The following BNC2 variants were observed in gnomAD, a reference collection of about 807,000 sequenced individuals.
BNC2 encodes basonuclin zinc finger protein 2.
In BNC2, 20 loss-of-function variants were observed where a neutral mutation model predicts 76.3. The observed-to-expected ratio is 0.26, with a 90% CI of 0.18 to 0.38. The LOEUF (loss-of-function observed/expected upper bound fraction) is 0.38. Ranked by LOEUF, BNC2 falls within the 10% of genes least tolerant of loss-of-function variation. The probability of loss-of-function intolerance (pLI) is 1.00; values close to 1 mark genes in which losing one functional copy is unlikely to be tolerated. For synonymous variants in BNC2, 582 were observed against 514.8 expected, an observed-to-expected ratio of 1.13 and a Z score of -1.77; for missense variants, 1,382 against 1,399.8, an observed-to-expected ratio of 0.99 and a Z score of 0.20.
At chr9:16,490,961 G>A (rs1360435230) in intron 5 of BNC2, among the ~76,000 whole-genome samples, 7 of 152,084 alleles carry the variant, frequency 4.6e-5, no homozygotes, top group Non-Finnish European at 1.0e-4. Flanking sequence ...ATGAATCAGT[G>A]GCATATAAGA....
intron 5 of BNC2, among the ~76,000 whole-genome samples, chr9:16,480,825 C>G (rs184633735): frequency 1.3e-5 from 2 of 152,312 alleles, no homozygotes; most frequent in East Asian, 3.9e-4. Context: ...CCTGAGCCTC[C>G]CCGACAAGTG....
intron 3 of BNC2, among the ~76,000 whole-genome samples, chr9:16,721,481 G>C (rs1824156358): frequency 6.6e-6 from 1 of 152,130 alleles, no homozygotes; most frequent in Non-Finnish European, 1.5e-5. Flanking sequence ...AGCTTTGGCA[G>C]ACAGTAGTGA....
At chr9:16,801,130 C>T (rs1335282669) in intron 1 of BNC2, among the ~76,000 whole-genome samples, 1 of 152,164 alleles carries the variant, frequency 6.6e-6, no homozygotes, top group Admixed American at 6.5e-5. Flanking sequence ...ACACAATTCT[C>T]CGTATTTCTG....
intron 3 of BNC2, among the ~76,000 whole-genome samples, chr9:16,585,788 C>G (rs1819751776): frequency 6.6e-6 from 1 of 152,074 alleles, no homozygotes; most frequent in African/African-American, 2.4e-5. Context: ...TGGGAAGAGT[C>G]GAAATGAATA....
At chr9:16,581,533 A>G (rs1040577939) in intron 4 of BNC2, among the ~76,000 whole-genome samples, 2 of 152,162 alleles carry the variant, frequency 1.3e-5, no homozygotes, top group African/African-American at 4.8e-5. Context: ...AGGAGAGACC[A>G]TGTAAAGGTG....
rs181396394 is a variant in BNC2 at position 16,682,440 on chromosome 9, T to C, written c.330+45357A>G. Among the ~76,000 whole-genome samples the C allele has an allele frequency of 6.6e-5, 10 of 151,990 alleles. No homozygotes were observed. In the East Asian group the frequency reaches 1.9e-3, roughly 30 times the overall value. Reference sequence around the variant, plus strand: ...TCCAGAAGTGAATGCTGCAGGTTGTTTAATAACCTGGCAAATTCACAGTAG... The same window carrying C: ...TCCAGAAGTGAATGCTGCAGGTTGTCTAATAACCTGGCAAATTCACAGTAG... On this transcript the variant is annotated intron_variant, in intron 3 of 6. Coordinates refer to ENST00000380672, the MANE Select transcript of BNC2 (RefSeq NM_017637.6).
chr9:16,668,868 C>T (rs1229861126), intron 3 of BNC2, among the ~76,000 whole-genome samples: 2 of 152,126 alleles, frequency 1.3e-5, no homozygotes, highest in African/African-American at 4.8e-5. Context: ...TAATTCAGAG[C>T]ACGTCTCTCC....
chr9:16,837,284 T>C (rs1419191140), intron 1 of BNC2, among the ~76,000 whole-genome samples: 3 of 152,176 alleles, frequency 2.0e-5, no homozygotes, highest in Non-Finnish European at 2.9e-5. Flanking sequence ...GGCAGGTGGA[T>C]CACCAGGTCA....
chr9:16,487,596 A>G (rs1479078894), intron 5 of BNC2, among the ~76,000 whole-genome samples: 2 of 152,170 alleles, frequency 1.3e-5, no homozygotes, highest in African/African-American at 4.8e-5. Context: ...ATAAAATACC[A>G]TTCAAATAAG....
chr9:16,530,132 C>T (rs1817931183), intron 5 of BNC2, among the ~76,000 whole-genome samples: 1 of 151,092 alleles, frequency 6.6e-6, no homozygotes, highest in Admixed American at 6.6e-5. Flanking sequence ...TGAGCCACCG[C>T]ACCTGGCCAA....
rs1820251119 is a variant in BNC2 at position 16,601,781 on chromosome 9, C to T, written c.331-18696G>A. 2.0e-5 allele frequency among the ~76,000 whole-genome samples: 3 copies of T among 152,150 alleles called. No individual in the cohort carries two copies. The South Asian group carries it at 6.2e-4, about 32-fold the overall frequency. On this transcript the variant is annotated intron_variant, in intron 3 of 6. Transcript: ENST00000380672. ...TCCCTTCCTCCCCACTGCCACCACTCACTAATTTTTCAATACGCATTTAGG... is the reference window on the plus strand; with the variant it reads ...TCCCTTCCTCCCCACTGCCACCACTTACTAATTTTTCAATACGCATTTAGG...
At chr9:16,559,270 T>G (rs1401610378) in intron 4 of BNC2, among the ~76,000 whole-genome samples, 2 of 152,130 alleles carry the variant, frequency 1.3e-5, no homozygotes, top group Non-Finnish European at 2.9e-5. Context: ...AATGAGATTT[T>G]TTTTTGCCAT....
intron 3 of BNC2, among the ~76,000 whole-genome samples, chr9:16,583,886 C>T (rs1030122209): frequency 6.6e-6 from 1 of 152,074 alleles, no homozygotes; most frequent in African/African-American, 2.4e-5. Flanking sequence ...TTCCTTATAA[C>T]CACTTTAAAA....
chr9:16,418,686 G>GTA lies in BNC2; in HGVS notation c.*302_*303insTA, dbSNP rs1450379305. The GTA allele has an allele frequency of 1.4e-3, 454 of 330,586 alleles. 3 individuals carry two copies. The highest frequency in any genetic ancestry group is 8.9e-3 in the African/African-American group (374 of 41,876). 20.5% of individuals were successfully genotyped at this position (330,586 alleles called of 1,614,324 possible). ...ACACTGTGTGTGTGTGTGTGTGTGTGTGTGTATGTGCATGTGTGTGTGTGT... is the reference window on the plus strand; with the variant it reads ...ACACTGTGTGTGTGTGTGTGTGTGTGTATGTGTATGTGCATGTGTGTGTGTGT... On this transcript the variant is annotated 3_prime_UTR_variant, in exon 7 of 7. Transcript: ENST00000380672.
chr9:16,506,508 CTCCTCTTTTTTTTTT>C (rs1822627775), intron 5 of BNC2, among the ~76,000 whole-genome samples: 2 of 127,162 alleles, frequency 1.6e-5, no homozygotes, highest in Non-Finnish European at 3.1e-5. Flanking sequence ...CTCTCTCTCT[CTCCTCTTTTTTTTTT>C]TTTTTTTTTT....
At chr9:16,737,145 G>A (rs938378441) in intron 2 of BNC2, among the ~76,000 whole-genome samples, 1 of 149,258 alleles carries the variant, frequency 6.7e-6, no homozygotes, top group Non-Finnish European at 1.5e-5. Flanking sequence ...TTGCTCTATC[G>A]CCCAGGCTAG....
chr9:16,436,779 G>A lies in BNC2; in HGVS notation c.1415C>T (p.Thr472Ile). 6.2e-7 allele frequency: 1 copy of A among 1,614,184 alleles called. No individual in the cohort carries two copies. Among genetic ancestry groups the A allele is most frequent in the Admixed American group, 1.7e-5 (1 of 60,026 alleles). ...AAAGACCATGTTGCAACCTTCAATG[G>A]TGCATCGATGTTTGATCTTCAGGTG... is the stretch of plus-strand genomic sequence containing the variant. ...AVHLKIKHRC[T>I]IEGCNMVFSS... Residue 472 changes from threonine to isoleucine, a missense_variant, in exon 6 of 7, where the codon ACC becomes ATC. Thr to Ile is a moderately conservative substitution (Grantham distance 89). Transcript: ENST00000380672.
chr9:16,563,417 G>T (rs768153575), intron 4 of BNC2, among the ~76,000 whole-genome samples: 3 of 151,592 alleles, frequency 2.0e-5, no homozygotes, highest in Non-Finnish European at 2.9e-5. Context: ...CCAAGAGTTC[G>T]AGACCAGCCT....
intron 1 of BNC2, among the ~76,000 whole-genome samples, chr9:16,739,831 G>A (rs919649396): frequency 6.6e-6 from 1 of 152,184 alleles, no homozygotes; most frequent in Non-Finnish European, 1.5e-5. Context: ...CTAATAGTCT[G>A]AGCACAGGAA....
Sources: gnomAD v4.1 joint callset for allele counts (sites outside exome capture counted in the v4.1 genomes callset) on GRCh38, gnomAD v4.1.1 for gene constraint, MANE v1.5 for transcripts, NCBI Gene and HGNC (gene_info 2026-07-23, HGNC 2026-07-21) for gene names.